WWOX: variants seen among roughly 807,000 people sequenced by gnomAD.
WWOX encodes WW domain-containing oxidoreductase.
WWOX carries 69 observed loss-of-function variants against 46.2 expected under a neutral mutation model. The observed-to-expected ratio is 1.49, with a 90% CI of 1.23 to 1.82. WWOX has a LOEUF of 1.82. Ranked by LOEUF, WWOX falls within the 40% of genes most tolerant of loss-of-function variation. The probability of loss-of-function intolerance (pLI) is 0.00; values close to 1 mark genes in which losing one functional copy is unlikely to be tolerated. For missense variants in WWOX, 919 were observed against 542.6 expected (o/e 1.69, Z -6.89); for synonymous variants, 359 against 202.6 (o/e 1.77, Z -6.56).
chr16:78,186,128 AT>A (rs2035694863), intron 5 of WWOX, among the ~76,000 whole-genome samples: 1 of 152,246 alleles, frequency 6.6e-6, no homozygotes, highest in Non-Finnish European at 1.5e-5. Flanking sequence ...TTCAGACAGT[AT>A]AAAAAAATCT....
At chr16:78,906,938 C>T (rs1198018326) in intron 8 of WWOX, among the ~76,000 whole-genome samples, 1 of 152,174 alleles carries the variant, frequency 6.6e-6, no homozygotes, top group Admixed American at 6.5e-5. Context: ...CGCAAATAAG[C>T]TATTGGCAGG....
intron 8 of WWOX, among the ~76,000 whole-genome samples, chr16:79,067,164 C>T (rs1479907514): frequency 2.6e-5 from 4 of 152,190 alleles, no homozygotes; most frequent in Non-Finnish European, 5.9e-5. Flanking sequence ...TTTCATAGGG[C>T]CGGCCATCCC....
intron 8 of WWOX, among the ~76,000 whole-genome samples, chr16:78,563,247 TC>T (rs2044481745): frequency 6.6e-6 from 1 of 152,230 alleles, no homozygotes; most frequent in African/African-American, 2.4e-5. Flanking sequence ...GACAATACTT[TC>T]CTTTCAGTCT....
At chr16:78,743,151 G>C (rs577336445) in intron 8 of WWOX, among the ~76,000 whole-genome samples, 1 of 152,044 alleles carries the variant, frequency 6.6e-6, no homozygotes, top group Admixed American at 6.6e-5. Context: ...TGCTGCAGCC[G>C]TTATTGATAT....
rs1030232528 is a variant in WWOX, at chr16:79,125,085, A to G, written c.1057-86523A>G. ...TTTAGGGATAAATTTCTCCCAAACT[A>G]TATGCAGATCCTGCTAGAGACTGCC... On this transcript the variant is annotated intron_variant, in intron 8 of 8. Transcript: ENST00000566780. Among the ~76,000 whole-genome samples the G allele has an allele frequency of 7.3e-5, 11 of 149,988 alleles. No homozygotes were observed. The South Asian group carries it at 2.3e-3, about 31-fold the overall frequency.
chr16:78,444,943 C>A (rs7194084), intron 8 of WWOX, among the ~76,000 whole-genome samples: 22,962 of 152,144 alleles, frequency 0.15, 2,332 homozygotes, highest in East Asian at 0.3. Flanking sequence ...CTTGGAATGA[C>A]TGGCCTAGAA....
chr16:79,019,188 A>AAAAAAG (rs2047480858), intron 8 of WWOX, among the ~76,000 whole-genome samples: 4 of 60,906 alleles, frequency 6.6e-5, no homozygotes, highest in Admixed American at 1.9e-4. Flanking sequence ...AAAAAAAAGA[A>AAAAAAG]AAAAAAAAGT....
chr16:78,370,121 G>T (rs2081635547), intron 5 of WWOX, among the ~76,000 whole-genome samples: 1 of 84,878 alleles, frequency 1.2e-5, no homozygotes, highest in Non-Finnish European at 2.1e-5. Flanking sequence ...GACAGAGCAA[G>T]ACTGTCTCCA....
chr16:78,804,978 T>C (rs1033917156), intron 8 of WWOX, among the ~76,000 whole-genome samples: 7 of 152,358 alleles, frequency 4.6e-5, no homozygotes, highest in Middle Eastern at 6.8e-3. Flanking sequence ...TCCATTGATA[T>C]TTGGGAAGTT....
Position 78,759,768 on chromosome 16 carries a change from C to T in WWOX, c.1056+327016C>T, listed in dbSNP as rs73573730. On this transcript the variant is annotated intron_variant, in intron 8 of 8. Transcript: ENST00000566780. ...CAGAGGCTTAAGACAGCACAAATGT[C>T]TTATCTTACAGTTCTGAAGGTTTCG... is the stretch of plus-strand genomic sequence containing the variant. Among the ~76,000 whole-genome samples, 12 of 152,252 alleles carry T rather than the reference C, an allele frequency of 7.9e-5. No homozygotes were observed. In the South Asian group the frequency reaches 2.3e-3, roughly 29 times the overall value.
chr16:78,798,177 G>A (rs191017886), intron 8 of WWOX, among the ~76,000 whole-genome samples: 44 of 152,218 alleles, frequency 2.9e-4, no homozygotes, highest in Admixed American at 5.2e-4. Flanking sequence ...CCAAAGCCAC[G>A]GCACCTTTGC....
chr16:78,747,183 C>T (rs985596604), intron 8 of WWOX, among the ~76,000 whole-genome samples: 1 of 145,926 alleles, frequency 6.9e-6, no homozygotes, highest in Non-Finnish European at 1.5e-5. Flanking sequence ...GGGGCACTTT[C>T]TTGCCCATTT....
At chr16:78,108,363 G>C in intron 1 of WWOX, 60 bp from the exon 2 acceptor site, 2 of 1,533,120 alleles carry the variant, frequency 1.3e-6, no homozygotes, top group Non-Finnish European at 9.0e-7. Context: ...TAATACAATT[G>C]ATTACTTTTT....
At chr16:78,219,338 C>G (rs2036818132) in intron 5 of WWOX, among the ~76,000 whole-genome samples, 1 of 152,134 alleles carries the variant, frequency 6.6e-6, no homozygotes, top group Admixed American at 6.5e-5. Flanking sequence ...CTACTAATCT[C>G]TGGACAATGG....
intron 8 of WWOX, among the ~76,000 whole-genome samples, chr16:78,653,986 G>A (rs2047024485): frequency 6.6e-6 from 1 of 152,198 alleles, no homozygotes; most frequent in Admixed American, 6.5e-5. Flanking sequence ...GAGATCCAGA[G>A]AAATTAAGAT....
In WWOX at chr16:78,337,265, GGTTT is replaced by G. The variant is rs962490285; in HGVS notation, c.517-49590_517-49587del. The stretch of plus-strand genomic sequence containing the variant: ...CCTGCAGACAGAATCTTTTGAAGGT[GGTTT>G]GTTTTTTTATTCCTTTATAAGTACA... On this transcript the variant is annotated intron_variant, in intron 5 of 8. Coordinates refer to ENST00000566780, the MANE Select transcript of WWOX (RefSeq NM_016373.4). Among the ~76,000 whole-genome samples, 108 of 152,048 alleles carry G rather than the reference GGTTT, an allele frequency of 7.1e-4. 1 individual carries two copies. Among genetic ancestry groups the G allele is most frequent in the Admixed American group, 1.7e-3 (26 of 15,252 alleles).
rs1282808981 is a variant in WWOX, at chr16:78,646,477, G to C, written c.1056+213725G>C. On this transcript the variant is annotated intron_variant, in intron 8 of 8. Coordinates refer to ENST00000566780, the MANE Select transcript of WWOX (RefSeq NM_016373.4). ...AAGTTTCACTCTGTCACCCAGGCTG[G>C]GGTGCAGTGGCGTGATCTTAGCTCA... 2.0e-5 allele frequency among the ~76,000 whole-genome samples: 3 copies of C among 152,092 alleles called. 1 individual carries two copies. The East Asian group carries it at 5.8e-4, about 29-fold the overall frequency.
At chr16:79,189,495 C>T (rs1438415250) in intron 8 of WWOX, among the ~76,000 whole-genome samples, 2 of 150,462 alleles carry the variant, frequency 1.3e-5, no homozygotes. Flanking sequence ...GAGACAGGGT[C>T]TCACTGTGTT....
intron 8 of WWOX, among the ~76,000 whole-genome samples, chr16:78,600,186 T>C (rs1002015466): frequency 1.3e-5 from 2 of 152,268 alleles, no homozygotes; most frequent in South Asian, 4.1e-4. Context: ...CTTGCCCTCA[T>C]GATTCAGTTA....
Sources: gnomAD v4.1 joint callset for allele counts (sites outside exome capture counted in the v4.1 genomes callset) on GRCh38, gnomAD v4.1.1 for gene constraint, MANE v1.5 for transcripts, NCBI Gene and HGNC (gene_info 2026-07-23, HGNC 2026-07-21) for gene names.